Variants in TNIK observed in about 807,000 individuals in gnomAD.
TNIK encodes the protein TRAF2 and NCK-interacting protein kinase.
Under a neutral mutation model 191.3 loss-of-function variants are expected in TNIK, and 49 were observed. The ratio of observed to expected loss-of-function variants is 0.26; its 90% CI spans 0.20 to 0.32. TNIK has a LOEUF of 0.32. TNIK is among the 10% of genes least tolerant of loss of function. TNIK has a pLI of 1.00. For synonymous variants in TNIK, 594 were observed against 600.9 expected, an observed-to-expected ratio of 0.99 and a Z score of 0.17; for missense variants, 1,155 against 1,702.3, an observed-to-expected ratio of 0.68 and a Z score of 5.66.
chr3:171,327,930 A>AAAAAAAAAAAAC (rs1755981980), intron 2 of TNIK, among the ~76,000 whole-genome samples: 3 of 132,208 alleles, frequency 2.3e-5, no homozygotes, highest in Non-Finnish European at 3.2e-5. Context: ...AAAAAAAAAA[A>AAAAAAAAAAAAC]ATCACTTGTT....
chr3:171,157,458 ACCT>A lies in TNIK; in HGVS notation c.1220_1221+1del. ...TCAGAGGTGGCCCGAGCAGGTCCTC[ACCT>A]CCTCCAGCCGCCGCCTCTGCTCTTT... On this transcript the variant is annotated splice_donor_variant and coding_sequence_variant, in exon 12 of 33. Coordinates refer to ENST00000436636, the MANE Select transcript of TNIK (RefSeq NM_015028.4). LOFTEE classifies it high-confidence loss of function. The A allele has an allele frequency of 3.2e-6, 5 of 1,558,122 alleles. No individual in the cohort carries two copies. Among genetic ancestry groups the A allele is most frequent in the South Asian group, 1.2e-5 (1 of 84,296 alleles).
chr3:171,264,107 CACACATATAT>C (rs1174583383), intron 2 of TNIK, among the ~76,000 whole-genome samples: 57 of 58,282 alleles, frequency 9.8e-4, no homozygotes, highest in African/African-American at 1.4e-3. Flanking sequence ...CACACACACA[CACACATATAT>C]ATATATATAT....
intron 2 of TNIK, among the ~76,000 whole-genome samples, chr3:171,347,760 A>C (rs1712494798): frequency 1.3e-5 from 2 of 152,154 alleles, no homozygotes; most frequent in Non-Finnish European, 2.9e-5. Context: ...GAGAGTAATG[A>C]GAGGACAAAA....
chr3:171,363,792 G>A (rs80167483), intron 2 of TNIK, among the ~76,000 whole-genome samples: 48 of 152,300 alleles, frequency 3.2e-4, no homozygotes, highest in African/African-American at 1.1e-3. Flanking sequence ...TATAAGGTCA[G>A]TTTTGACAAT....
chr3:171,181,160 C>T (rs757042857), intron 7 of TNIK, among the ~76,000 whole-genome samples: 23 of 152,208 alleles, frequency 1.5e-4, no homozygotes, highest in Non-Finnish European at 3.1e-4. Flanking sequence ...GCTTTTAAGA[C>T]AGGCAGATCC....
intron 2 of TNIK, among the ~76,000 whole-genome samples, chr3:171,280,020 A>C (rs1044178221): frequency 4.6e-5 from 7 of 152,180 alleles, no homozygotes; most frequent in Non-Finnish European, 4.4e-5. Context: ...ACAGTTCTAT[A>C]AGTGTGAGCT....
intron 3 of TNIK, among the ~76,000 whole-genome samples, chr3:171,219,052 A>T (rs1366807315): frequency 2.3e-4 from 14 of 60,854 alleles, no homozygotes; most frequent in African/African-American, 1.3e-3. Context: ...AATTATATTT[A>T]ATATAATATA....
intron 28 of TNIK, 26 bp from the exon 29 acceptor site, chr3:171,071,349 A>G (rs1375907124): frequency 1.4e-6 from 2 of 1,461,510 alleles, no homozygotes; most frequent in Middle Eastern, 1.8e-4. Context: ...TATGAGTGAA[A>G]AAGTACATCA....
intron 2 of TNIK, among the ~76,000 whole-genome samples, chr3:171,362,158 T>G (rs1321202692): frequency 6.6e-6 from 1 of 152,212 alleles, no homozygotes; most frequent in African/African-American, 2.4e-5. Flanking sequence ...AGTTCCACAG[T>G]GCTGCAACTG....
intron 2 of TNIK, among the ~76,000 whole-genome samples, chr3:171,289,331 T>C (rs765423114): frequency 2.0e-5 from 3 of 152,212 alleles, no homozygotes; most frequent in Non-Finnish European, 2.9e-5. Context: ...TAAAAGGCTA[T>C]GGTTCTAAGT....
intron 2 of TNIK, among the ~76,000 whole-genome samples, chr3:171,301,730 C>T (rs1752908890): frequency 6.6e-6 from 1 of 152,152 alleles, no homozygotes; most frequent in African/African-American, 2.4e-5. Context: ...AATGCATGAT[C>T]CTGGATCAAA....
chr3:171,270,424 G>A (rs1345593713), intron 2 of TNIK, among the ~76,000 whole-genome samples: 4 of 152,098 alleles, frequency 2.6e-5, no homozygotes, highest in African/African-American at 4.8e-5. Context: ...ACTATAGAGC[G>A]ACTGTTAACA....
intron 1 of TNIK, among the ~76,000 whole-genome samples, chr3:171,423,968 C>A (rs1043773761): frequency 3.3e-5 from 5 of 152,044 alleles, no homozygotes; most frequent in Admixed American, 6.6e-5. Flanking sequence ...GCAACAAAAG[C>A]CAAAATTGAC....
intron 1 of TNIK, among the ~76,000 whole-genome samples, chr3:171,392,561 C>T (rs184758604): frequency 2.8e-3 from 429 of 152,152 alleles, no homozygotes; most frequent in African/African-American, 9.8e-3. Context: ...GGGTGGATCA[C>T]TTGAGGTCAG....
intron 27 of TNIK, among the ~76,000 whole-genome samples, chr3:171,080,725 G>A: frequency 6.6e-6 from 1 of 152,160 alleles, no homozygotes; most frequent in East Asian, 1.9e-4. Context: ...ATATTTTATA[G>A]ATGAATATAT....
At chr3:171,415,351 C>G (rs554527958) in intron 1 of TNIK, among the ~76,000 whole-genome samples, 2 of 152,262 alleles carry the variant, frequency 1.3e-5, no homozygotes, top group South Asian at 4.1e-4. Context: ...AATGTAAGAT[C>G]TAGGAGGGCA....
At chr3:171,286,218 C>T (rs999448083) in intron 2 of TNIK, among the ~76,000 whole-genome samples, 1 of 152,196 alleles carries the variant, frequency 6.6e-6, no homozygotes, top group East Asian at 1.9e-4. Context: ...CCTTCTCCTC[C>T]TTCTTCATCC....
At chr3:171,314,291 T>C (rs377689816) in intron 2 of TNIK, among the ~76,000 whole-genome samples, 4 of 152,182 alleles carry the variant, frequency 2.6e-5, no homozygotes, top group African/African-American at 9.7e-5. Context: ...CACAGTGGCC[T>C]ATCTGGCCTT....
intron 2 of TNIK, among the ~76,000 whole-genome samples, chr3:171,260,132 C>T (rs1243833951): frequency 6.6e-6 from 1 of 152,108 alleles, no homozygotes; most frequent in Non-Finnish European, 1.5e-5. Context: ...TGTCTGATCA[C>T]CCGGGCTTGT....
Sources: gnomAD v4.1 joint callset for allele counts (sites outside exome capture counted in the v4.1 genomes callset) on GRCh38, gnomAD v4.1.1 for gene constraint, MANE v1.5 for transcripts, NCBI Gene and HGNC (gene_info 2026-07-23, HGNC 2026-07-21) for gene names.